CFAP221: variants seen among roughly 807,000 people sequenced by gnomAD.
The protein encoded by CFAP221 is cilia- and flagella-associated protein 221.
A neutral mutation model predicts 113.1 loss-of-function variants in CFAP221; 97 were observed. That is an observed-to-expected ratio of 0.86 (90% confidence interval 0.73 to 1.02). The LOEUF (loss-of-function observed/expected upper bound fraction) is 1.02. Among genes scored for constraint, CFAP221 ranks in the 50% least tolerant of loss-of-function variants. CFAP221 has a pLI of 0.00. For missense variants in CFAP221, 1,025 were observed against 1,013.4 expected, an observed-to-expected ratio of 1.01 and a Z score of -0.16; for synonymous variants, 331 against 354.4, an observed-to-expected ratio of 0.93 and a Z score of 0.74.
intron 7 of CFAP221, among the ~76,000 whole-genome samples, chr2:119,588,309 G>A (rs1683358509): frequency 6.6e-6 from 1 of 152,140 alleles, no homozygotes; most frequent in Admixed American, 6.6e-5. Flanking sequence ...TATGACTGAG[G>A]TGGGTACAGA....
chr2:119,564,402 A>G (rs974841178), intron 6 of CFAP221, among the ~76,000 whole-genome samples: 16 of 152,212 alleles, frequency 1.1e-4, no homozygotes, highest in Admixed American at 7.9e-4. Context: ...TAAATAATAC[A>G]TATAAAATAA....
intron 6 of CFAP221, among the ~76,000 whole-genome samples, chr2:119,579,203 T>G (rs1243854989): frequency 6.6e-6 from 1 of 151,998 alleles, no homozygotes; most frequent in East Asian, 1.9e-4. Context: ...TAACATGTAC[T>G]TGCCTTAATA....
intron 6 of CFAP221, among the ~76,000 whole-genome samples, chr2:119,579,114 G>A (rs1229042573): frequency 1.3e-5 from 2 of 152,012 alleles, no homozygotes; most frequent in African/African-American, 4.8e-5. Flanking sequence ...ATATTTCTAT[G>A]TATAGCCTTA....
At chr2:119,655,532 G>A (rs1558678377) in intron 23 of CFAP221, among the ~76,000 whole-genome samples, 1 of 152,104 alleles carries the variant, frequency 6.6e-6, no homozygotes, top group Admixed American at 6.5e-5. Flanking sequence ...TGTCTCAGAA[G>A]CACTTTATTT....
chr2:119,601,228 G>A lies in CFAP221; in HGVS notation c.642G>A (p.Pro214=), dbSNP rs55809171. 0.075 allele frequency: 113,418 copies of A among 1,522,304 alleles called. 4,803 individuals are homozygous for A. Among genetic ancestry groups the A allele is most frequent in the Non-Finnish European group, 0.088 (100,370 of 1,137,118 alleles). 94.3% of individuals were successfully genotyped at this position (1,522,304 alleles called of 1,614,324 possible). A position where few individuals can be genotyped will look rare whatever the true frequency, so the allele number is the denominator to read the frequency against. ...FAIEPTSGII[P]ANGKMTVTIK... ...TTTCTTTCCTCTCAGGAATAATTCCGGCTAATGGGAAGATGACTGTGACTA... is the reference window on the plus strand; with the variant it reads ...TTTCTTTCCTCTCAGGAATAATTCCAGCTAATGGGAAGATGACTGTGACTA... The change falls in exon 8 of 24, where the codon CCG becomes CCA. Residue 214 remains proline, a synonymous_variant. Transcript: ENST00000413369.
intron 8 of CFAP221, among the ~76,000 whole-genome samples, chr2:119,603,787 TAAA>T (rs1390947553): frequency 6.6e-6 from 1 of 152,054 alleles, no homozygotes; most frequent in Admixed American, 6.5e-5. Context: ...ACTATTTAGA[TAAA>T]AATAATTTCT....
chr2:119,626,937 A>C (rs1686349511), intron 15 of CFAP221, among the ~76,000 whole-genome samples: 4 of 151,496 alleles, frequency 2.6e-5, no homozygotes, highest in Admixed American at 2.6e-4. Flanking sequence ...CTCTGAAAAA[A>C]AAAAAAAGAA....
At chr2:119,611,797 A>T (rs1574130877) in intron 13 of CFAP221, 55 bp downstream of exon 13, 1 of 1,264,418 alleles carries the variant, frequency 7.9e-7, no homozygotes, top group Non-Finnish European at 1.1e-6. Context: ...TTAAATGCTT[A>T]TTTTTTTGAA....
intron 14 of CFAP221, among the ~76,000 whole-genome samples, chr2:119,622,773 G>C (rs1277832937): frequency 7.9e-5 from 12 of 152,142 alleles, no homozygotes. Context: ...AAAACCACAT[G>C]ATTATCTTAA....
chr2:119,561,343 A>G (rs1450642806), intron 5 of CFAP221, among the ~76,000 whole-genome samples: 1 of 152,188 alleles, frequency 6.6e-6, no homozygotes, highest in Non-Finnish European at 1.5e-5. Flanking sequence ...CAGATGGAAT[A>G]TTCTGTGCTG....
At chr2:119,602,859 C>A in intron 8 of CFAP221, 1 of 826,858 alleles carries the variant, frequency 1.2e-6, no homozygotes, top group Non-Finnish European at 1.5e-6. Flanking sequence ...ATTTGTATAT[C>A]CTTCCATGGC....
At position 119,572,491 on chromosome 2, in the gene CFAP221, A is replaced by G. The variant is rs1448702770; in HGVS notation, c.527+10377A>G. 4 of 668,366 alleles carry G rather than the reference A, an allele frequency of 6.0e-6. No individual in the cohort carries two copies. In the South Asian group the frequency reaches 6.4e-5, roughly 11 times the overall value. 41.4% of individuals were successfully genotyped at this position (668,366 alleles called of 1,614,324 possible). ...AGATACAGAAATTTTATATTTTTCC[A>G]TTCCCATGGTTCTAAAAAGATTCAT... On this transcript the variant is annotated intron_variant, in intron 6 of 23. Coordinates refer to ENST00000413369, the MANE Select transcript of CFAP221 (RefSeq NM_001271049.2).
chr2:119,596,293 G>C (rs1434182660), intron 7 of CFAP221, among the ~76,000 whole-genome samples: 1 of 152,180 alleles, frequency 6.6e-6, no homozygotes, highest in Non-Finnish European at 1.5e-5. Context: ...GGGTGGCTAG[G>C]GGGTGCGCTG....
intron 14 of CFAP221, among the ~76,000 whole-genome samples, chr2:119,618,178 C>T (rs1451733999): frequency 6.6e-6 from 1 of 152,224 alleles, no homozygotes; most frequent in Admixed American, 6.5e-5. Context: ...GGAATATCAG[C>T]TCCTTGTGGG....
chr2:119,659,600 C>T (rs1401717749), downstream of CFAP221, among the ~76,000 whole-genome samples: 2 of 152,416 alleles, frequency 1.3e-5, no homozygotes, highest in East Asian at 3.8e-4. Flanking sequence ...CTGGTTTATC[C>T]TTCTTGTGGG....
downstream of CFAP221, among the ~76,000 whole-genome samples, chr2:119,657,024 GCACC>G (rs1688470576): frequency 6.6e-6 from 1 of 152,150 alleles, no homozygotes; most frequent in Non-Finnish European, 1.5e-5. Flanking sequence ...ACTCACAGAA[GCACC>G]TGGAGCAGGA....
chr2:119,583,659 G>T (rs777877806), intron 6 of CFAP221, among the ~76,000 whole-genome samples: 5 of 152,150 alleles, frequency 3.3e-5, no homozygotes, highest in Non-Finnish European at 5.9e-5. Context: ...TGGTGCTATG[G>T]TCTGAATGTT....
chr2:119,569,619 T>TAC (rs1170066523), intron 6 of CFAP221, among the ~76,000 whole-genome samples: 1 of 152,174 alleles, frequency 6.6e-6, no homozygotes, highest in African/African-American at 2.4e-5. Context: ...GCATTCCCAT[T>TAC]ACATGTATAA....
intron 7 of CFAP221, among the ~76,000 whole-genome samples, chr2:119,593,180 C>G (rs1297039243): frequency 1.3e-5 from 2 of 152,056 alleles, no homozygotes; most frequent in Admixed American, 6.6e-5. Flanking sequence ...CTCATTCCTA[C>G]CTGCCACATC....
Sources: gnomAD v4.1 joint callset for allele counts (sites outside exome capture counted in the v4.1 genomes callset) on GRCh38, gnomAD v4.1.1 for gene constraint, MANE v1.5 for transcripts, NCBI Gene and HGNC (gene_info 2026-07-23, HGNC 2026-07-21) for gene names.